The following C2orf76 variants were observed in gnomAD, a reference collection of about 807,000 sequenced individuals.
C2orf76 encodes chromosome 2 open reading frame 76.
Under a neutral mutation model 16.9 loss-of-function variants are expected in C2orf76, and 23 were observed. The ratio of observed to expected loss-of-function variants is 1.36; its 90% confidence interval spans 0.98 to 1.93. The LOEUF is 1.93. Ranked by LOEUF, C2orf76 falls within the 30% of genes most tolerant of loss-of-function variation. C2orf76 has a pLI of 0.00. For missense variants in C2orf76, 152 were observed against 152.6 expected, an observed-to-expected ratio of 1.00 and a Z score of 0.02; for synonymous variants, 48 against 52.3, an observed-to-expected ratio of 0.92 and a Z score of 0.35.
At chr2:119,285,999 G>A in the C2orf76 span, among the ~76,000 whole-genome samples, 18 of 152,122 alleles carry the variant, frequency 1.2e-4, no homozygotes, top group East Asian at 1.9e-4. Flanking sequence ...AGGCCAAGGC[G>A]GGCGGATCAC....
At chr2:119,312,058 G>A (rs7564951) in intron 4 of C2orf76, among the ~76,000 whole-genome samples, 5,338 of 152,152 alleles carry the variant, frequency 0.035, 287 homozygotes, top group African/African-American at 0.12. Context: ...ATCACCTGTG[G>A]TAAGGGTGAC....
chr2:119,342,119 T>C (rs752300903), intron 1 of C2orf76, among the ~76,000 whole-genome samples: 3 of 152,230 alleles, frequency 2.0e-5, no homozygotes, highest in Non-Finnish European at 2.9e-5. Flanking sequence ...AACAGCAGAA[T>C]TGATAAGTAA....
chr2:119,308,666 C>A (rs2104540378), intron 5 of C2orf76, among the ~76,000 whole-genome samples: 1 of 152,130 alleles, frequency 6.6e-6, no homozygotes, highest in South Asian at 2.1e-4. Context: ...AACAAAAAAA[C>A]CCAAACAATA....
Position 119,311,699 on chromosome 2 carries a change from T to C in C2orf76, c.227A>G (p.Asn76Ser), listed in dbSNP as rs2104547495. Residue 76 changes from asparagine (N) to serine (S), a missense_variant, in exon 5 of 6, where the codon AAT becomes AGT. Coordinates refer to ENST00000334816, the MANE Select transcript of C2orf76 (RefSeq NM_001322331.2). ...IIHQAHKSKT[N>S]ELVLSLEDDE... ...ATCTTCCAAACTCAACACAAGTTCA[T>C]TTGTCTAAAAAAAAAAAAGAAAATC... is the stretch of plus-strand genomic sequence containing the variant. 4 of 1,599,484 alleles carry C rather than the reference T, an allele frequency of 2.5e-6. No homozygotes were observed. The highest frequency in any genetic ancestry group is 2.2e-5 in the South Asian group (2 of 90,154).
downstream of C2orf76, among the ~76,000 whole-genome samples, chr2:119,299,979 G>T (rs1388202231): frequency 6.6e-6 from 1 of 152,046 alleles, no homozygotes; most frequent in Admixed American, 6.6e-5. Context: ...CCCCGTCCAG[G>T]CATTCACCAG....
At chr2:119,343,083 C>G (rs1680087417) in intron 1 of C2orf76, among the ~76,000 whole-genome samples, 2 of 152,124 alleles carry the variant, frequency 1.3e-5, no homozygotes, top group Admixed American at 6.5e-5. Flanking sequence ...TTATAACATA[C>G]ACAAGCAAGT....
At chr2:119,350,562 C>T (rs1434782881) in intron 1 of C2orf76, among the ~76,000 whole-genome samples, 5 of 152,192 alleles carry the variant, frequency 3.3e-5, no homozygotes, top group African/African-American at 1.2e-4. Flanking sequence ...AGTCCCAGTT[C>T]GATGGCCAGT....
intron 1 of C2orf76, among the ~76,000 whole-genome samples, chr2:119,343,879 C>T (rs1680116592): frequency 6.6e-6 from 1 of 152,204 alleles, no homozygotes; most frequent in African/African-American, 2.4e-5. Context: ...TAAGTAGTAG[C>T]TGCTTTTGTC....
intron 2 of C2orf76, among the ~76,000 whole-genome samples, chr2:119,327,606 A>ATC (rs1679549678): frequency 6.6e-6 from 1 of 151,964 alleles, no homozygotes; most frequent in Non-Finnish European, 1.5e-5. Context: ...AGAGCCTGAT[A>ATC]TCTTCTCCCT....
At chr2:119,292,759 GT>G in the C2orf76 span, among the ~76,000 whole-genome samples, 3 of 152,162 alleles carry the variant, frequency 2.0e-5, no homozygotes, top group Admixed American at 6.5e-5. Context: ...CTTAGGCCAG[GT>G]GCGGTGGCTC....
chr2:119,347,146 T>C (rs558273163), intron 1 of C2orf76, among the ~76,000 whole-genome samples: 10 of 152,270 alleles, frequency 6.6e-5, no homozygotes, highest in African/African-American at 1.7e-4. Context: ...TAATCAACAT[T>C]AGTGAATGAA....
chr2:119,345,163 T>G (rs1680159036), intron 1 of C2orf76, among the ~76,000 whole-genome samples: 1 of 152,004 alleles, frequency 6.6e-6, no homozygotes, highest in Non-Finnish European at 1.5e-5. Context: ...TGTAACAACA[T>G]AAAAATGTAA....
chr2:119,341,145 C>T (rs954794106), intron 1 of C2orf76, among the ~76,000 whole-genome samples: 4 of 152,052 alleles, frequency 2.6e-5, no homozygotes, highest in African/African-American at 9.7e-5. Flanking sequence ...TTATGCACAG[C>T]AGTAACAACA....
At chr2:119,366,855 G>T, upstream of C2orf76, 2 of 687,690 alleles carry the variant, frequency 2.9e-6, no homozygotes, top group Non-Finnish European at 4.8e-6. Flanking sequence ...GGGCTCGGGC[G>T]GGGCTAGCGC....
At chr2:119,348,823 C>G (rs576757928) in intron 1 of C2orf76, among the ~76,000 whole-genome samples, 2 of 152,300 alleles carry the variant, frequency 1.3e-5, no homozygotes, top group South Asian at 4.1e-4. Context: ...ATGGTGAAAC[C>G]CCATCTCTAC....
At chr2:119,281,317 CTT>C in the C2orf76 span, among the ~76,000 whole-genome samples, 1 of 152,158 alleles carries the variant, frequency 6.6e-6, no homozygotes, top group African/African-American at 2.4e-5. Flanking sequence ...CTGTTCCCCT[CTT>C]TGTGTCCACG....
Position 119,339,842 on chromosome 2 carries a change from C to T in C2orf76, c.118G>A (p.Val40Ile), listed in dbSNP as rs200764717. The change falls in exon 2 of 6, where the codon GTA (valine) becomes ATA (isoleucine). Residue 40 changes from valine to isoleucine, a missense_variant. Transcript: ENST00000334816. Reference protein sequence around the residue: ...NLDQTVKEFIVFLKQDIPLRT... With the variant: ...NLDQTVKEFIIFLKQDIPLRT... Reference sequence around the variant, plus strand: ...CATCTCATACCTTGCTTTAGAAATACGATAAATTCCTTTACAGTTTGGTCC... The same window carrying T: ...CATCTCATACCTTGCTTTAGAAATATGATAAATTCCTTTACAGTTTGGTCC... 22 of 1,600,210 alleles carry T rather than the reference C, an allele frequency of 1.4e-5. No homozygotes were observed. Among genetic ancestry groups the T allele is most frequent in the African/African-American group, 2.7e-5 (2 of 74,774 alleles).
Position 119,311,163 on chromosome 2 carries a change from T to A in C2orf76, c.304+459A>T, listed in dbSNP as rs551633752. ...GTACTTTTCAGCTGCACACACCAGG[T>A]TCCTATTTTAAATTCCATGCCTTGG... On this transcript the variant is annotated intron_variant, in intron 5 of 5. Coordinates refer to ENST00000334816, the MANE Select transcript of C2orf76 (RefSeq NM_001322331.2). The A allele has an allele frequency of 2.5e-4, 247 of 985,390 alleles. No individual in the cohort carries two copies. In the South Asian group the frequency reaches 0.01, roughly 41 times the overall value. The allele number at this position is 985,390 out of a possible 1,614,324, so 61.0% of individuals were successfully genotyped here. A position where few individuals can be genotyped will look rare whatever the true frequency, so the allele number is the denominator to read the frequency against.
intron 1 of C2orf76, among the ~76,000 whole-genome samples, chr2:119,364,268 G>A (rs1274082320): frequency 2.6e-5 from 4 of 152,164 alleles, no homozygotes; most frequent in Admixed American, 1.3e-4. Context: ...TCCCAGATGT[G>A]AAGGCAAACT....
Sources: gnomAD v4.1 joint callset for allele counts (sites outside exome capture counted in the v4.1 genomes callset) on GRCh38, gnomAD v4.1.1 for gene constraint, MANE v1.5 for transcripts, NCBI Gene and HGNC (gene_info 2026-07-23, HGNC 2026-07-21) for gene names.